ZEB2: variants seen among roughly 807,000 people sequenced by gnomAD.
The protein encoded by ZEB2 is zinc finger E-box binding homeobox 2, also known as zinc finger E-box-binding homeobox 2.
A neutral mutation model predicts 99.9 loss-of-function variants in ZEB2; 6 were observed. The ratio of observed to expected loss-of-function variants is 0.06; its 90% CI spans 0.03 to 0.12. The LOEUF is 0.12. ZEB2 is among the 10% of genes least tolerant of loss of function. ZEB2 has a pLI of 1.00. For synonymous variants in ZEB2, 517 were observed against 542.5 expected, an observed-to-expected ratio of 0.95 and a Z score of 0.65; for missense variants, 969 against 1,502.8, an observed-to-expected ratio of 0.64 and a Z score of 5.87.
At chr2:144,483,530 T>C (rs921876128) in intron 2 of ZEB2, among the ~76,000 whole-genome samples, 1 of 152,172 alleles carries the variant, frequency 6.6e-6, no homozygotes, top group African/African-American at 2.4e-5. Context: ...TTGAAGAAGA[T>C]CAAACAGTTC....
At chr2:144,423,604 T>C (rs905707815) in intron 4 of ZEB2, among the ~76,000 whole-genome samples, 1 of 152,160 alleles carries the variant, frequency 6.6e-6, no homozygotes, top group Non-Finnish European at 1.5e-5. Context: ...GTGTAAAAAT[T>C]AGGATTCTTG....
intron 6 of ZEB2, among the ~76,000 whole-genome samples, chr2:144,403,402 C>T (rs982734485): frequency 6.6e-6 from 1 of 151,850 alleles, no homozygotes. Flanking sequence ...ATAATATATG[C>T]CTTTTTGATT....
intron 2 of ZEB2, chr2:144,463,988 G>A (rs1003610029): frequency 5.9e-5 from 9 of 152,004 alleles, no homozygotes; most frequent in Non-Finnish European, 1.0e-4. Context: ...TGAGGCTCAG[G>A]GAAGGCTTCA....
At chr2:144,458,714 T>C (rs1244831247) in intron 2 of ZEB2, among the ~76,000 whole-genome samples, 1 of 152,184 alleles carries the variant, frequency 6.6e-6, no homozygotes, top group Non-Finnish European at 1.5e-5. Context: ...AAATAATTTA[T>C]GCATACTTTC....
chr2:144,438,860 G>C (rs1703870214), intron 2 of ZEB2, among the ~76,000 whole-genome samples: 1 of 152,026 alleles, frequency 6.6e-6, no homozygotes, highest in African/African-American at 2.4e-5. Context: ...ACCCTGACTA[G>C]GACCCTGTTT....
intron 3 of ZEB2, 33 bp downstream of exon 3, chr2:144,429,736 A>G (rs2149891094): frequency 1.2e-6 from 2 of 1,613,694 alleles, no homozygotes; most frequent in South Asian, 1.1e-5. Context: ...TGAAGATGGT[A>G]CAGGAAGAGG....
chr2:144,493,286 G>T (rs1036315185), intron 2 of ZEB2, among the ~76,000 whole-genome samples: 3 of 152,184 alleles, frequency 2.0e-5, no homozygotes, highest in Non-Finnish European at 2.9e-5. Flanking sequence ...GTCACACCTT[G>T]AAACAGTCAT....
chr2:144,518,187 A>G (rs947755644), intron 1 of ZEB2: 6 of 146,596 alleles, frequency 4.1e-5, no homozygotes, highest in African/African-American at 1.5e-4. Flanking sequence ...TTCCAGTAGA[A>G]TTTTTTTTTT....
chr2:144,462,181 A>G (rs1051979067), intron 2 of ZEB2: 1 of 152,126 alleles, frequency 6.6e-6, no homozygotes, highest in Non-Finnish European at 1.5e-5. Context: ...AGAAGAATAA[A>G]AGAAAAAAAA....
At chr2:144,430,463 T>A in intron 2 of ZEB2, 1 of 203,054 alleles carries the variant, frequency 4.9e-6, no homozygotes, top group Non-Finnish European at 1.1e-5. Flanking sequence ...TTAACTGTGG[T>A]TTTTTCCCTA....
At chr2:144,497,969 TATA>T (rs1704798599) in intron 2 of ZEB2, among the ~76,000 whole-genome samples, 1 of 1,906 alleles carries the variant, frequency 5.2e-4, no homozygotes, top group East Asian at 0.028. Flanking sequence ...ATATTAATAT[TATA>T]TATTATATAA....
chr2:144,479,972 G>A (rs1704486801), intron 2 of ZEB2, among the ~76,000 whole-genome samples: 1 of 152,060 alleles, frequency 6.6e-6, no homozygotes, highest in African/African-American at 2.4e-5. Flanking sequence ...TCATCCTCTT[G>A]ATTCAGCAAA....
chr2:144,479,687 G>GGC (rs1233052840), intron 2 of ZEB2, among the ~76,000 whole-genome samples: 2 of 111,918 alleles, frequency 1.8e-5, no homozygotes, highest in East Asian at 5.8e-4. Context: ...TTTTTTTGGG[G>GGC]GGGGGGGCGG....
intron 3 of ZEB2, 102 bp downstream of exon 3, chr2:144,429,667 A>C: frequency 6.3e-7 from 1 of 1,583,284 alleles, no homozygotes; most frequent in South Asian, 1.1e-5. Context: ...AATGGAAAGA[A>C]ATATTTTAAT....
intron 2 of ZEB2, chr2:144,512,703 C>T (rs998106015): frequency 1.2e-5 from 15 of 1,287,040 alleles, no homozygotes; most frequent in Non-Finnish European, 1.3e-5. Flanking sequence ...GGCTCTGCTA[C>T]GAAGGAAAGC....
At chr2:144,517,151 G>A (rs1705165942) in intron 2 of ZEB2, 127 bp downstream of exon 2, 3 of 1,116,022 alleles carry the variant, frequency 2.7e-6, no homozygotes, top group Non-Finnish European at 3.7e-6. Context: ...CGCGGAGGGA[G>A]GCTCGCCCTA....
intron 2 of ZEB2, among the ~76,000 whole-genome samples, chr2:144,505,314 G>C (rs1043056148): frequency 6.6e-6 from 1 of 152,128 alleles, no homozygotes; most frequent in African/African-American, 2.4e-5. Context: ...AAAGCGACTG[G>C]GGGAAAGACA....
chr2:144,402,928 T>C (rs1703332661), intron 6 of ZEB2, among the ~76,000 whole-genome samples: 1 of 152,256 alleles, frequency 6.6e-6, no homozygotes, highest in Admixed American at 6.5e-5. Flanking sequence ...TGTTTGCTTA[T>C]CCTCATTTTC....
At chr2:144,468,932 G>C (rs1311673766) in intron 2 of ZEB2, among the ~76,000 whole-genome samples, 2 of 151,960 alleles carry the variant, frequency 1.3e-5, no homozygotes, top group African/African-American at 4.8e-5. Context: ...ATCAAATCGA[G>C]GACTTACCTT....
Sources: gnomAD v4.1 joint callset for allele counts (sites outside exome capture counted in the v4.1 genomes callset) on GRCh38, gnomAD v4.1.1 for gene constraint, MANE v1.5 for transcripts, NCBI Gene and HGNC (gene_info 2026-07-23, HGNC 2026-07-21) for gene names.